The following SLC44A3 variants were observed in gnomAD, a reference collection of about 807,000 sequenced individuals.
SLC44A3 encodes solute carrier family 44 member 3.
SLC44A3 carries 74 observed loss-of-function variants against 75.4 expected under a neutral mutation model. The ratio of observed to expected loss-of-function variants is 0.98; its 90% CI spans 0.81 to 1.19. SLC44A3 has a LOEUF of 1.19. Ranked by LOEUF, SLC44A3 falls within the 50% of genes most tolerant of loss-of-function variation. The probability of loss-of-function intolerance (pLI) is 0.00; values close to 1 mark genes in which losing one functional copy is unlikely to be tolerated. For missense variants in SLC44A3, 700 were observed against 778.6 expected, an observed-to-expected ratio of 0.90 and a Z score of 1.20; for synonymous variants, 310 against 296.9, an observed-to-expected ratio of 1.04 and a Z score of -0.45.
chr1:94,867,832 C>T (rs936932301), intron 12 of SLC44A3, among the ~76,000 whole-genome samples: 1 of 147,276 alleles, frequency 6.8e-6, no homozygotes, highest in African/African-American at 2.5e-5. Context: ...TACCCTAGAA[C>T]CATAGGCCTT....
chr1:94,846,125 T>G (rs1664369273), intron 9 of SLC44A3, among the ~76,000 whole-genome samples: 1 of 137,588 alleles, frequency 7.3e-6, no homozygotes, highest in Non-Finnish European at 1.5e-5. Flanking sequence ...CCAGCCTGGG[T>G]GACAGAGCAA....
At chr1:94,822,394 A>G (rs1010040551) in intron 2 of SLC44A3, among the ~76,000 whole-genome samples, 3 of 152,240 alleles carry the variant, frequency 2.0e-5, no homozygotes, top group African/African-American at 7.2e-5. Context: ...TTCTGTTTTA[A>G]GAGTCAGAGT....
chr1:94,876,311 T>C (rs1221017990), intron 12 of SLC44A3, among the ~76,000 whole-genome samples: 1 of 152,222 alleles, frequency 6.6e-6, no homozygotes, highest in Non-Finnish European at 1.5e-5. Context: ...ATTAAATAGC[T>C]CCTACACCAA....
At chr1:94,841,232 C>T (rs569409347) in intron 7 of SLC44A3, among the ~76,000 whole-genome samples, 71 of 152,334 alleles carry the variant, frequency 4.7e-4, no homozygotes, top group Admixed American at 1.2e-3. Flanking sequence ...TTATTAATCT[C>T]ATGAACCACC....
chr1:94,838,457 T>A (rs1053348978), intron 6 of SLC44A3, among the ~76,000 whole-genome samples: 4 of 152,220 alleles, frequency 2.6e-5, no homozygotes, highest in African/African-American at 9.6e-5. Context: ...TTTTCTATGT[T>A]TCAGTTGGCT....
At chr1:94,871,910 C>T (rs1002327704) in intron 12 of SLC44A3, among the ~76,000 whole-genome samples, 1 of 152,198 alleles carries the variant, frequency 6.6e-6, no homozygotes, top group Non-Finnish European at 1.5e-5. Flanking sequence ...TCTTTTCAGA[C>T]ATCTAACTGC....
intron 5 of SLC44A3, among the ~76,000 whole-genome samples, chr1:94,831,468 C>T (rs750476797): frequency 4.6e-5 from 7 of 152,168 alleles, no homozygotes; most frequent in Non-Finnish European, 1.0e-4. Flanking sequence ...GTTTCTTCCT[C>T]GTCTGTCGGT....
At chr1:94,881,508 T>C (rs908535713) in intron 12 of SLC44A3, among the ~76,000 whole-genome samples, 5 of 150,674 alleles carry the variant, frequency 3.3e-5, no homozygotes, top group Non-Finnish European at 5.9e-5. Flanking sequence ...ATCAAGACCA[T>C]CCTGGCTAAC....
At chr1:94,867,510 G>A (rs936837874) in intron 12 of SLC44A3, 93 bp downstream of exon 12, 5 of 988,002 alleles carry the variant, frequency 5.1e-6, no homozygotes, top group Non-Finnish European at 7.3e-6. Context: ...CTTCTCTAAG[G>A]GGCTAAATTG....
At chr1:94,824,163 G>A (rs1183074118) in intron 2 of SLC44A3, among the ~76,000 whole-genome samples, 1 of 151,664 alleles carries the variant, frequency 6.6e-6, no homozygotes, top group Admixed American at 6.6e-5. Flanking sequence ...AACATCAAGG[G>A]AAGAAAAATT....
intron 3 of SLC44A3, among the ~76,000 whole-genome samples, chr1:94,826,534 C>G (rs1372102336): frequency 6.6e-6 from 1 of 151,774 alleles, no homozygotes; most frequent in Non-Finnish European, 1.5e-5. Flanking sequence ...ACCAGTAGTC[C>G]CAGCTACTCA....
At position 94,878,140 on chromosome 1, in the gene SLC44A3, A is replaced by G. The variant is rs551055187; in HGVS notation, c.1482+10723A>G. On this transcript the variant is annotated intron_variant, in intron 12 of 14. Coordinates refer to ENST00000271227, the MANE Select transcript of SLC44A3 (RefSeq NM_001114106.3). Reference sequence around the variant, plus strand: ...TCCCAGCTACTCGGGAGGCTGAGGCAGGAGAATGGCGTGAACCCCAGGGGG... The same window carrying G: ...TCCCAGCTACTCGGGAGGCTGAGGCGGGAGAATGGCGTGAACCCCAGGGGG... Among the ~76,000 whole-genome samples the G allele has an allele frequency of 6.1e-4, 93 of 152,174 alleles. No individual in the cohort carries two copies. The East Asian group carries it at 0.015, about 25-fold the overall frequency.
intron 9 of SLC44A3, among the ~76,000 whole-genome samples, chr1:94,846,493 C>T (rs1046854094): frequency 5.3e-5 from 8 of 152,210 alleles, no homozygotes; most frequent in Admixed American, 2.6e-4. Flanking sequence ...GACGTCATTC[C>T]ATTGCTTCCT....
intron 5 of SLC44A3, among the ~76,000 whole-genome samples, chr1:94,829,849 T>G (rs1333690943): frequency 6.6e-6 from 1 of 152,220 alleles, no homozygotes; most frequent in African/African-American, 2.4e-5. Context: ...AGTAAGAAAT[T>G]TATTACATCC....
chr1:94,861,035 G>A (rs906692889), intron 10 of SLC44A3, among the ~76,000 whole-genome samples: 2 of 152,194 alleles, frequency 1.3e-5, no homozygotes, highest in Admixed American at 6.5e-5. Flanking sequence ...AGCGTTCGGT[G>A]AGGCCCATGG....
intron 12 of SLC44A3, among the ~76,000 whole-genome samples, chr1:94,880,103 A>C (rs187265000): frequency 3.9e-5 from 6 of 152,350 alleles, no homozygotes; most frequent in Non-Finnish European, 5.9e-5. Context: ...TATGGAAAAC[A>C]GTATGGAGTT....
chr1:94,887,790 C>T (rs112765469), intron 12 of SLC44A3, among the ~76,000 whole-genome samples: 3 of 152,030 alleles, frequency 2.0e-5, no homozygotes, highest in African/African-American at 4.8e-5. Flanking sequence ...AGAGGCTGAG[C>T]GGCAATGGTG....
At chr1:94,828,211 G>T (rs1465977726) in intron 4 of SLC44A3, among the ~76,000 whole-genome samples, 2 of 152,190 alleles carry the variant, frequency 1.3e-5, no homozygotes, top group East Asian at 3.8e-4. Context: ...GCAAAGCCAG[G>T]TTTAAACTAT....
At chr1:94,858,632 C>T (rs1666194342) in intron 10 of SLC44A3, among the ~76,000 whole-genome samples, 1 of 152,152 alleles carries the variant, frequency 6.6e-6, no homozygotes, top group Admixed American at 6.5e-5. Flanking sequence ...GTGATTCCTG[C>T]CATTGAGCAG....
Sources: gnomAD v4.1 joint callset for allele counts (sites outside exome capture counted in the v4.1 genomes callset) on GRCh38, gnomAD v4.1.1 for gene constraint, MANE v1.5 for transcripts, NCBI Gene and HGNC (gene_info 2026-07-23, HGNC 2026-07-21) for gene names.